PARP8: variants seen among roughly 807,000 people sequenced by gnomAD.
PARP8 encodes protein mono-ADP-ribosyltransferase PARP8.
A neutral mutation model predicts 124.1 loss-of-function variants in PARP8; 51 were observed. The ratio of observed to expected loss-of-function variants is 0.41; its 90% CI spans 0.33 to 0.52. The LOEUF (loss-of-function observed/expected upper bound fraction) is 0.52. PARP8 is among the 20% of genes least tolerant of loss of function. The pLI is 0.21. For synonymous variants in PARP8, 391 were observed against 361.5 expected (o/e 1.08, Z -0.93); for missense variants, 860 against 1,018.9 (o/e 0.84, Z 2.12).
chr5:50,762,850 C>G (rs6450384), intron 6 of PARP8, among the ~76,000 whole-genome samples: 1 of 151,942 alleles, frequency 6.6e-6, no homozygotes, highest in Admixed American at 6.6e-5. Flanking sequence ...GGGGAAGTAA[C>G]TGCTTTTCTT....
intron 2 of PARP8, among the ~76,000 whole-genome samples, chr5:50,727,079 G>C (rs1407695214): frequency 6.6e-6 from 1 of 152,012 alleles, no homozygotes; most frequent in Non-Finnish European, 1.5e-5. Flanking sequence ...AAAAACACAG[G>C]CAATTCCTTT....
intron 18 of PARP8, among the ~76,000 whole-genome samples, chr5:50,825,211 A>G (rs941487659): frequency 8.5e-5 from 13 of 152,196 alleles, no homozygotes; most frequent in African/African-American, 2.9e-4. Flanking sequence ...ACTACCAGGG[A>G]TAAATAGTGC....
intron 14 of PARP8, among the ~76,000 whole-genome samples, chr5:50,810,398 C>T (rs1580418169): frequency 1.3e-5 from 2 of 152,112 alleles, no homozygotes; most frequent in East Asian, 3.9e-4. Flanking sequence ...TGGCAATACA[C>T]TTAACTGGTA....
intron 3 of PARP8, among the ~76,000 whole-genome samples, chr5:50,756,663 C>T (rs1257575690): frequency 1.3e-5 from 2 of 152,034 alleles, no homozygotes; most frequent in Non-Finnish European, 2.9e-5. Context: ...TGATTATAGT[C>T]AAGTTATACA....
At chr5:50,709,969 TACACAC>T (rs1377182563) in intron 2 of PARP8, among the ~76,000 whole-genome samples, 2 of 136,184 alleles carry the variant, frequency 1.5e-5, no homozygotes, top group African/African-American at 5.7e-5. Context: ...CATACATATA[TACACAC>T]ACACACATAT....
intron 9 of PARP8, among the ~76,000 whole-genome samples, chr5:50,785,743 G>A (rs1385458946): frequency 6.6e-6 from 1 of 152,134 alleles, no homozygotes; most frequent in East Asian, 1.9e-4. Flanking sequence ...CTTGATTGAT[G>A]GAGCATTTGT....
intron 3 of PARP8, among the ~76,000 whole-genome samples, chr5:50,751,433 A>G (rs1759251360): frequency 1.3e-5 from 2 of 152,190 alleles, no homozygotes; most frequent in African/African-American, 4.8e-5. Context: ...GAGTGTAAGT[A>G]TATATATTTA....
chr5:50,732,961 A>G (rs1757121646), intron 2 of PARP8, among the ~76,000 whole-genome samples: 1 of 151,950 alleles, frequency 6.6e-6, no homozygotes, highest in East Asian at 2.0e-4. Context: ...TAGTTTTCAC[A>G]TAACAGTGCT....
At chr5:50,782,162 A>C (rs895890821) in intron 9 of PARP8, among the ~76,000 whole-genome samples, 1 of 152,112 alleles carries the variant, frequency 6.6e-6, no homozygotes, top group Non-Finnish European at 1.5e-5. Flanking sequence ...TATAGCATCT[A>C]TCTCTTTCAT....
At chr5:50,793,174 A>G (rs1339135391) in intron 10 of PARP8, among the ~76,000 whole-genome samples, 3 of 152,216 alleles carry the variant, frequency 2.0e-5, no homozygotes, top group African/African-American at 7.2e-5. Flanking sequence ...TTACTCTGTG[A>G]CATATTGTAA....
intron 7 of PARP8, among the ~76,000 whole-genome samples, chr5:50,768,937 G>GA (rs1209948493): frequency 8.0e-6 from 1 of 124,484 alleles, no homozygotes; most frequent in Non-Finnish European, 1.8e-5. Context: ...GGCATACAAA[G>GA]AAAAAAGTAT....
intron 3 of PARP8, among the ~76,000 whole-genome samples, chr5:50,751,215 T>G (rs1759223751): frequency 6.6e-6 from 1 of 152,118 alleles, no homozygotes; most frequent in South Asian, 2.1e-4. Flanking sequence ...GTAAACCAAG[T>G]GGGCCAAGTG....
chr5:50,693,731 A>G (rs1354104335), intron 2 of PARP8, among the ~76,000 whole-genome samples: 2 of 151,590 alleles, frequency 1.3e-5, no homozygotes, highest in African/African-American at 2.4e-5. Context: ...GTAATCGTAT[A>G]ATCACATCAT....
intron 9 of PARP8, among the ~76,000 whole-genome samples, chr5:50,781,845 G>A (rs1043037858): frequency 6.6e-6 from 1 of 152,108 alleles, no homozygotes; most frequent in Non-Finnish European, 1.5e-5. Context: ...TACAAGATGG[G>A]GTGGAAACTA....
intron 2 of PARP8, among the ~76,000 whole-genome samples, chr5:50,711,181 C>A (rs73101017): frequency 0.025 from 3,802 of 152,114 alleles, 166 homozygotes; most frequent in African/African-American, 0.088. Context: ...GGAATTAGGC[C>A]AATTGTAGAG....
chr5:50,679,659 G>C, intron 2 of PARP8, among the ~76,000 whole-genome samples: 1 of 152,104 alleles, frequency 6.6e-6, no homozygotes, highest in East Asian at 1.9e-4. Context: ...TACCCAACAG[G>C]CAAGTGGTGA....
intron 2 of PARP8, among the ~76,000 whole-genome samples, chr5:50,707,949 C>G (rs1754334996): frequency 6.6e-6 from 1 of 152,022 alleles, no homozygotes; most frequent in Admixed American, 6.6e-5. Context: ...GATCTCGCAC[C>G]ATAGCCACTT....
intron 14 of PARP8, among the ~76,000 whole-genome samples, chr5:50,806,654 C>T (rs957860282): frequency 6.6e-6 from 1 of 151,918 alleles, no homozygotes; most frequent in South Asian, 2.1e-4. Context: ...CATAGGAAAT[C>T]AGATGAGGAA....
intron 25 of PARP8, among the ~76,000 whole-genome samples, chr5:50,836,699 TGAGGA>T (rs1450151732): frequency 6.6e-6 from 1 of 152,208 alleles, no homozygotes; most frequent in Non-Finnish European, 1.5e-5. Context: ...AAGTTTATTA[TGAGGA>T]TTAATTTAGC....
Sources: gnomAD v4.1 joint callset for allele counts (sites outside exome capture counted in the v4.1 genomes callset) on GRCh38, gnomAD v4.1.1 for gene constraint, MANE v1.5 for transcripts, NCBI Gene and HGNC (gene_info 2026-07-23, HGNC 2026-07-21) for gene names.